Variants in GGTLC2 observed in about 807,000 individuals in gnomAD.
GGTLC2 encodes glutathione hydrolase light chain 2.
In GGTLC2, 13 loss-of-function variants were observed where a neutral mutation model predicts 20.2. That is an observed-to-expected ratio of 0.64 (90% CI 0.42 to 1.02). The LOEUF is 1.02. Among genes scored for constraint, GGTLC2 ranks in the 50% least tolerant of loss-of-function variants. The pLI is 0.00. For missense variants in GGTLC2, 202 were observed against 301.3 expected, an observed-to-expected ratio of 0.67 and a Z score of 2.44; for synonymous variants, 89 against 125.5, an observed-to-expected ratio of 0.71 and a Z score of 1.94.
Position 22,646,034 on chromosome 22 carries a change from G to A in GGTLC2, c.-34-278G>A. ...TTCCCTGTTGATTCCCCAGTTCCAG[G>A]CATGCAGTGCAAATTCTAGAAATAT... On this transcript the variant is annotated intron_variant, in intron 1 of 5. Coordinates refer to ENST00000448514, the MANE Select transcript of GGTLC2 (RefSeq NM_199127.3). 7.9e-6 allele frequency: 7 copies of A among 888,296 alleles called. No individual in the cohort carries two copies. In the South Asian group the frequency reaches 1.3e-4, roughly 16 times the overall value. 55.0% of individuals were successfully genotyped at this position (888,296 alleles called of 1,614,324 possible).
rs1449870675 is a variant in GGTLC2, at chr22:22,647,144, C to T, written c.364C>T (p.Pro122Ser). The T allele has an allele frequency of 4.3e-6, 7 of 1,611,694 alleles. No homozygotes were observed. The highest frequency in any genetic ancestry group is 5.9e-6 in the Non-Finnish European group (7 of 1,179,802). ...TIMVGQDGQP[P>S]SHADHTPMPQ... ...TGGCCGTGCCCACCCTGCACAGCCC[C>T]CAAGCCATGCTGATCACACTCCCAT... The change falls in exon 5 of 6, where the codon CCA (proline) becomes TCA (serine). Residue 122 changes from proline to serine, a missense_variant. Coordinates refer to ENST00000448514, the MANE Select transcript of GGTLC2 (RefSeq NM_199127.3).
intron 1 of GGTLC2, among the ~76,000 whole-genome samples, chr22:22,645,595 G>A (rs1275887704): frequency 6.6e-6 from 1 of 150,624 alleles, no homozygotes; most frequent in East Asian, 2.0e-4. Flanking sequence ...TCCCCTTTGG[G>A]CTTTATCCTT....
chr22:22,644,898 T>G (rs1485433005), intron 1 of GGTLC2, among the ~76,000 whole-genome samples, 190 bp downstream of exon 1: 1 of 85,026 alleles, frequency 1.2e-5, no homozygotes, highest in African/African-American at 5.4e-5. Context: ...TTTTTTTTTT[T>G]TTTTTTTTTT....
chr22:22,647,705 G>C lies in GGTLC2; in HGVS notation c.621G>C (p.Ser207=). ...CGGCTGGTGGCTGGGCAGCTGCCTCGGACTCCAGGAAAGGCGGGGAGCCTG... is the reference window on the plus strand; with the variant it reads ...CGGCTGGTGGCTGGGCAGCTGCCTCCGACTCCAGGAAAGGCGGGGAGCCTG... ...VRTAGGWAAA[S]DSRKGGEPAG... is the part of the protein sequence containing the mutation. Residue 207 remains serine, a synonymous_variant, in exon 6 of 6, where the codon TCG becomes TCC. Coordinates refer to ENST00000448514, the MANE Select transcript of GGTLC2 (RefSeq NM_199127.3). 1.2e-6 allele frequency: 2 copies of C among 1,601,644 alleles called. No individual in the cohort carries two copies. Among genetic ancestry groups the C allele is most frequent in the Non-Finnish European group, 1.7e-6 (2 of 1,174,826 alleles).
intron 1 of GGTLC2, chr22:22,646,059 T>C (rs1200722873): frequency 1.7e-6 from 2 of 1,199,926 alleles, no homozygotes; most frequent in Non-Finnish European, 2.2e-6. Context: ...TCTAGAAATA[T>C]TTTTTGCATG....
intron 1 of GGTLC2, 92 bp from the exon 2 acceptor site, chr22:22,646,220 G>T (rs1338423109): frequency 7.0e-7 from 1 of 1,424,508 alleles, no homozygotes; most frequent in South Asian, 1.4e-5. Context: ...GCCACGGAAG[G>T]TTGTGGGTGC....
At position 22,646,445 on chromosome 22, in the gene GGTLC2, G is replaced by T; in HGVS notation, c.100G>T (p.Asp34Tyr). The T allele has an allele frequency of 6.5e-7, 1 of 1,528,238 alleles. No individual in the cohort carries two copies. Among genetic ancestry groups the T allele is most frequent in the Non-Finnish European group, 8.9e-7 (1 of 1,122,104 alleles). 94.7% of individuals were successfully genotyped at this position (1,528,238 alleles called of 1,614,324 possible). A position where few individuals can be genotyped will look rare whatever the true frequency, so the allele number is the denominator to read the frequency against. The change falls in exon 2 of 6, where the codon GAT (aspartate) becomes TAT (tyrosine). Residue 34 changes from aspartate to tyrosine, a missense_variant. Transcript: ENST00000448514. ...YYKPEFYTPV[D>Y]GGTAHLSVVA... ...CAAGCCCGAGTTCTACACGCCGGTT[G>T]ATGGGGGCACTGCTCACCTGTCTGT...
rs199652932 is a variant in GGTLC2, at chr22:22,647,017, C to T, written c.339C>T (p.Ile113=). 37 of 1,611,522 alleles carry T rather than the reference C, an allele frequency of 2.3e-5. No homozygotes were observed. Among genetic ancestry groups the T allele is most frequent in the Admixed American group, 8.3e-5 (5 of 59,958 alleles). The stretch of plus-strand genomic sequence containing the variant: ...CGCTCTCGTCAATGTGCCCGACGAT[C>T]ATGGTGGGCCAGGACGGCCAGGTCC... ...KQPLSSMCPT[I]MVGQDGQPPS... Residue 113 remains isoleucine, a synonymous_variant, in exon 4 of 6, where the codon ATC becomes ATT. Transcript: ENST00000448514.
In GGTLC2 at chr22:22,647,221, C is replaced by G. The variant is rs375803911; in HGVS notation, c.441C>G (p.Ala147=). ...NLWFGYDVKR[A]VEEPRLHNQL... ...GGTTCGGCTATGACGTGAAGCGGGC[C>G]GTGGAGGAGCCCCGGCTGCACAACC... is the stretch of plus-strand genomic sequence containing the variant. Residue 147 remains alanine (A), a synonymous_variant, in exon 5 of 6, where the codon GCC becomes GCG. Coordinates refer to ENST00000448514, the MANE Select transcript of GGTLC2 (RefSeq NM_199127.3). The G allele has an allele frequency of 1.2e-6, 2 of 1,611,368 alleles. No homozygotes were observed. The highest frequency in any genetic ancestry group is 2.3e-4 in the Middle Eastern group (1 of 4,422).
chr22:22,646,174 A>G, intron 1 of GGTLC2, 138 bp from the exon 2 acceptor site: 3 of 1,382,060 alleles, frequency 2.2e-6, no homozygotes, highest in Non-Finnish European at 2.9e-6. Context: ...CAGACTGGTC[A>G]TGCAAGATCC....
In GGTLC2 at chr22:22,647,163, C is replaced by A. The variant is rs758161451; in HGVS notation, c.383C>A (p.Thr128Asn). 2 of 1,611,662 alleles carry A rather than the reference C, an allele frequency of 1.2e-6. No homozygotes were observed. The highest frequency in any genetic ancestry group is 2.7e-5 in the African/African-American group (2 of 74,906). The change falls in exon 5 of 6, where the codon ACT becomes AAT. Residue 128 changes from threonine (T) to asparagine (N), a missense_variant. Transcript: ENST00000448514. ...DGQPPSHADH[T>N]PMPQAIIYNL... ...CAGCCCCCAAGCCATGCTGATCACACTCCCATGCCCCAGGCCATCATCTAC... is the reference window on the plus strand; with the variant it reads ...CAGCCCCCAAGCCATGCTGATCACAATCCCATGCCCCAGGCCATCATCTAC...
rs200051351 is a variant in GGTLC2 at position 22,647,654 on chromosome 22, C to T, written c.570C>T (p.Ile190=). Residue 190 remains isoleucine (I), a synonymous_variant, in exon 6 of 6, where the codon ATC becomes ATT. Coordinates refer to ENST00000448514, the MANE Select transcript of GGTLC2 (RefSeq NM_199127.3). Reference sequence around the variant, plus strand: ...ACACCCAGATCGCGTCCACCTTCATCGCTGTGGTGCAAGCCATCGTCCGCA... The same window carrying T: ...ACACCCAGATCGCGTCCACCTTCATTGCTGTGGTGCAAGCCATCGTCCGCA... ...HHHTQIASTF[I]AVVQAIVRTA... 3,584 of 1,578,440 alleles carry T rather than the reference C, an allele frequency of 2.3e-3. 37 individuals are homozygous for T. The highest frequency in any genetic ancestry group is 0.018 in the South Asian group (1,608 of 90,110).
chr22:22,644,958 T>C (rs2063997108), intron 1 of GGTLC2, among the ~76,000 whole-genome samples: 1 of 121,930 alleles, frequency 8.2e-6, no homozygotes, highest in South Asian at 4.0e-4. Context: ...TGGCCTGATC[T>C]CTGGGCTCAC....
At position 22,647,726 on chromosome 22, in the gene GGTLC2, G is replaced by A. The variant is rs879188655; in HGVS notation, c.642G>A (p.Glu214=). The change falls in exon 6 of 6, where the codon GAG becomes GAA. Residue 214 remains glutamate (E), a synonymous_variant. Coordinates refer to ENST00000448514, the MANE Select transcript of GGTLC2 (RefSeq NM_199127.3). ...CCTCGGACTCCAGGAAAGGCGGGGA[G>A]CCTGCCGGCTACTGAGTGCTCCAGG... ...AAASDSRKGG[E]PAGY is the part of the protein sequence containing the mutation. 50 of 1,600,116 alleles carry A rather than the reference G, an allele frequency of 3.1e-5. No homozygotes were observed. The highest frequency in any genetic ancestry group is 2.3e-4 in the Middle Eastern group (1 of 4,386).
rs1277461172 is a variant in GGTLC2 at position 22,646,537 on chromosome 22, C to T, written c.176+16C>T. On this transcript the variant is annotated intron_variant, in intron 2 of 5. Transcript: ENST00000448514. ...TCAACCTCTAGTAGGGGCTGCTGGG[C>T]CGCCTGGGTGGGAAAGGGCCAGGGG... is the stretch of plus-strand genomic sequence containing the variant. 5.2e-6 allele frequency: 8 copies of T among 1,536,372 alleles called. No homozygotes were observed. The highest frequency in any genetic ancestry group is 4.9e-5 in the East Asian group (2 of 40,912).
At chr22:22,645,012 C>G (rs1168317920) in intron 1 of GGTLC2, among the ~76,000 whole-genome samples, 3 of 140,152 alleles carry the variant, frequency 2.1e-5, no homozygotes, top group Non-Finnish European at 3.0e-5. Flanking sequence ...CCTGCCTCAG[C>G]CTCTGGAGTA....
In GGTLC2 at chr22:22,646,819, G is replaced by A. The variant is rs531595726; in HGVS notation, c.242G>A (p.Ser81Asn). 4.3e-6 allele frequency: 7 copies of A among 1,613,116 alleles called. No homozygotes were observed. The Admixed American group carries it at 1.0e-4, about 23-fold the overall frequency. ...ILFNDEMDDF[S>N]SPNITNEFGV... ...TTCAATGATGAAATGGATGACTTCA[G>A]CTCTCCCAACATCACCAACGAGTTT... Residue 81 changes from serine to asparagine, a missense_variant, in exon 3 of 6, where the codon AGC becomes AAC. This residue lies in a region of GGTLC2 where 71 missense variants were observed against 63.0 expected (regional missense o/e 1.13). Transcript: ENST00000448514.
intron 2 of GGTLC2, 45 bp downstream of exon 2, chr22:22,646,566 G>C (rs758067886): frequency 1.3e-4 from 181 of 1,403,288 alleles, no homozygotes; most frequent in Non-Finnish European, 1.7e-4. Flanking sequence ...CCAGGGGCGG[G>C]TGGCCCAGGG....
At chr22:22,647,068 C>A in intron 4 of GGTLC2, 30 bp downstream of exon 4, 1 of 1,611,678 alleles carries the variant, frequency 6.2e-7, no homozygotes, top group Admixed American at 1.7e-5. Flanking sequence ...CTGCTGGGGG[C>A]ACACAGATCA....
Sources: gnomAD v4.1 joint callset for allele counts (sites outside exome capture counted in the v4.1 genomes callset) on GRCh38, gnomAD v4.1.1 for gene constraint, gnomAD v4.1.1 regional missense constraint, MANE v1.5 for transcripts, NCBI Gene and HGNC (gene_info 2026-07-23, HGNC 2026-07-21) for gene names.